The following FHIT variants were observed in gnomAD, a reference collection of about 807,000 sequenced individuals.
FHIT encodes bis(5'-adenosyl)-triphosphatase.
Under a neutral mutation model 17.9 loss-of-function variants are expected in FHIT, and 19 were observed. The observed-to-expected ratio is 1.06, with a 90% CI of 0.74 to 1.56. The LOEUF is 1.56. FHIT is among the 40% of genes most tolerant of loss of function. The pLI is 0.00. For synonymous variants in FHIT, 81 were observed against 69.7 expected (o/e 1.16, Z -0.81); for missense variants, 248 against 189.2 (o/e 1.31, Z -1.82).
At chr3:60,401,991 T>C (rs536719496) in intron 5 of FHIT, among the ~76,000 whole-genome samples, 7 of 152,244 alleles carry the variant, frequency 4.6e-5, no homozygotes, top group African/African-American at 1.7e-4. Context: ...GCCTTTAAAA[T>C]GGTCAGTCTG....
chr3:59,893,195 T>C (rs1199651827), intron 8 of FHIT, among the ~76,000 whole-genome samples: 3 of 152,190 alleles, frequency 2.0e-5, no homozygotes, highest in Admixed American at 6.5e-5. Flanking sequence ...AAGGGAAACA[T>C]AGCAAATTGT....
At chr3:60,531,851 G>A (rs941041394) in intron 5 of FHIT, among the ~76,000 whole-genome samples, 6 of 152,188 alleles carry the variant, frequency 3.9e-5, no homozygotes, top group Non-Finnish European at 8.8e-5. Flanking sequence ...TCTTTGGAAA[G>A]TTAATATTCC....
At position 61,048,223 on chromosome 3, in the gene FHIT, C is replaced by T. The variant is rs375832089; in HGVS notation, c.-163-6124G>A. Among the ~76,000 whole-genome samples the T allele has an allele frequency of 3.0e-4, 45 of 152,118 alleles. No individual in the cohort carries two copies. In the East Asian group the frequency reaches 6.7e-3, roughly 23 times the overall value. ...ATGGGAGAAAATTTTTGCAATCTAC[C>T]CATCTGACAAAGGGCAAATATCCAG... On this transcript the variant is annotated intron_variant, in intron 2 of 9. Coordinates refer to ENST00000492590, the MANE Select transcript of FHIT (RefSeq NM_002012.4).
chr3:60,334,541 C>T (rs1459210521), intron 5 of FHIT, among the ~76,000 whole-genome samples: 4 of 152,204 alleles, frequency 2.6e-5, no homozygotes, highest in East Asian at 3.8e-4. Flanking sequence ...AATCCCTGCA[C>T]TTTGGGAGGC....
chr3:59,830,564 G>C (rs2106701544), intron 8 of FHIT, among the ~76,000 whole-genome samples: 1 of 152,330 alleles, frequency 6.6e-6, no homozygotes, highest in East Asian at 1.9e-4. Flanking sequence ...TTTGCAGTGT[G>C]CAGTTTTCCC....
chr3:59,844,311 T>C (rs1315084447), intron 8 of FHIT, among the ~76,000 whole-genome samples: 1 of 152,198 alleles, frequency 6.6e-6, no homozygotes, highest in Non-Finnish European at 1.5e-5. Context: ...TTTTTCTGGC[T>C]AGGACTTTAA....
chr3:59,855,011 A>C (rs559344980), intron 8 of FHIT, among the ~76,000 whole-genome samples: 27 of 152,338 alleles, frequency 1.8e-4, no homozygotes, highest in African/African-American at 6.3e-4. Context: ...TCCAAAACTC[A>C]TATCCAGTGA....
At chr3:60,184,772 A>G (rs1427890583) in intron 5 of FHIT, among the ~76,000 whole-genome samples, 1 of 152,126 alleles carries the variant, frequency 6.6e-6, no homozygotes, top group African/African-American at 2.4e-5. Flanking sequence ...ATTCTGCTAA[A>G]CAGATTTTTC....
intron 3 of FHIT, among the ~76,000 whole-genome samples, chr3:61,032,465 T>C (rs2107670178): frequency 6.6e-6 from 1 of 152,284 alleles, no homozygotes; most frequent in South Asian, 2.1e-4. Flanking sequence ...ACCTAAGAGC[T>C]TCTTTCATTT....
intron 5 of FHIT, among the ~76,000 whole-genome samples, chr3:60,462,367 G>A (rs1024417607): frequency 2.6e-5 from 4 of 152,084 alleles, no homozygotes; most frequent in Non-Finnish European, 4.4e-5. Context: ...TGAAGCCAAC[G>A]GTATGGCTTG....
chr3:60,927,226 C>G (rs1273273155), intron 3 of FHIT, among the ~76,000 whole-genome samples: 1 of 152,166 alleles, frequency 6.6e-6, no homozygotes, highest in Non-Finnish European at 1.5e-5. Context: ...GTCTCCAGCT[C>G]CTGACCTCCA....
At chr3:60,122,447 A>G (rs1006496322) in intron 5 of FHIT, among the ~76,000 whole-genome samples, 2 of 152,214 alleles carry the variant, frequency 1.3e-5, no homozygotes, top group African/African-American at 4.8e-5. Context: ...TTCAGGATAC[A>G]TGAATCCATG....
chr3:60,513,919 C>CAGGAGAGAAG (rs2035043339), intron 5 of FHIT, among the ~76,000 whole-genome samples: 1 of 152,112 alleles, frequency 6.6e-6, no homozygotes, highest in South Asian at 2.1e-4. Flanking sequence ...GAGCAGAGAA[C>CAGGAGAGAAG]AGGAGAGAAG....
At chr3:60,102,961 T>A (rs1289529598) in intron 5 of FHIT, among the ~76,000 whole-genome samples, 1 of 152,192 alleles carries the variant, frequency 6.6e-6, no homozygotes, top group African/African-American at 2.4e-5. Context: ...TTGTGGAAAG[T>A]CAAATAATTC....
At chr3:60,119,117 A>G (rs909920440) in intron 5 of FHIT, among the ~76,000 whole-genome samples, 5 of 151,930 alleles carry the variant, frequency 3.3e-5, no homozygotes, top group African/African-American at 1.2e-4. Flanking sequence ...TCTGTCATCC[A>G]GGCTGGAGTG....
rs1253853592 is a variant in FHIT at position 59,845,453 on chromosome 3, T to C, written c.348+76893A>G. The stretch of plus-strand genomic sequence containing the variant: ...CTTAGTACTGTTTTCATTACTTCCA[T>C]ATGTTTGGATATGTTGTGTTTTTGT... On this transcript the variant is annotated intron_variant, in intron 8 of 9. Transcript: ENST00000492590. 2.6e-5 allele frequency among the ~76,000 whole-genome samples: 4 copies of C among 152,260 alleles called. No individual in the cohort carries two copies. The East Asian group carries it at 5.8e-4, about 22-fold the overall frequency.
chr3:60,146,111 A>C lies in FHIT; in HGVS notation c.104-131959T>G, dbSNP rs75021685. ...GCCAGTCCAAATCTCTTACAATTGC[A>C]TGTGGCAAACCAAAGTCAAACTGAA... On this transcript the variant is annotated intron_variant, in intron 5 of 9. Transcript: ENST00000492590. Among the ~76,000 whole-genome samples, 455 of 152,258 alleles carry C rather than the reference A, an allele frequency of 3.0e-3. 2 individuals are homozygous for C. Among genetic ancestry groups the C allele is most frequent in the African/African-American group, 0.01 (436 of 41,544 alleles).
intron 5 of FHIT, among the ~76,000 whole-genome samples, chr3:60,440,815 G>T (rs535628242): frequency 2.0e-5 from 3 of 151,926 alleles, no homozygotes; most frequent in Admixed American, 6.6e-5. Flanking sequence ...CACTCTCCTG[G>T]AACCTCTCTC....
chr3:59,801,022 G>T (rs1699972399), intron 8 of FHIT, among the ~76,000 whole-genome samples: 1 of 152,236 alleles, frequency 6.6e-6, no homozygotes, highest in African/African-American at 2.4e-5. Flanking sequence ...GGTAGGGAAA[G>T]ATCTTGAAAG....
Sources: gnomAD v4.1 joint callset for allele counts (sites outside exome capture counted in the v4.1 genomes callset) on GRCh38, gnomAD v4.1.1 for gene constraint, MANE v1.5 for transcripts, NCBI Gene and HGNC (gene_info 2026-07-23, HGNC 2026-07-21) for gene names.